The following PPP1R13B variants were observed in gnomAD, a reference collection of about 807,000 sequenced individuals.
PPP1R13B encodes apoptosis-stimulating of p53 protein 1.
Under a neutral mutation model 119.8 loss-of-function variants are expected in PPP1R13B, and 44 were observed. That is an observed-to-expected ratio of 0.37 (90% CI 0.29 to 0.47). The LOEUF (loss-of-function observed/expected upper bound fraction) is 0.47, where lower values mean the gene tolerates loss of function less well. Among genes scored for constraint, PPP1R13B ranks in the 20% least tolerant of loss-of-function variants. PPP1R13B has a pLI of 0.99. For missense variants in PPP1R13B, 1,227 were observed against 1,413.5 expected (o/e 0.87, Z 2.12); for synonymous variants, 542 against 561.5 (o/e 0.97, Z 0.49).
chr14:103,751,595 C>G (rs1203993741), intron 7 of PPP1R13B, among the ~76,000 whole-genome samples: 1 of 152,080 alleles, frequency 6.6e-6, no homozygotes, highest in Non-Finnish European at 1.5e-5. Context: ...TGTCTGGAGG[C>G]AGGGTCTTTA....
At chr14:103,821,003 T>C (rs916063194) in intron 1 of PPP1R13B, among the ~76,000 whole-genome samples, 2 of 152,158 alleles carry the variant, frequency 1.3e-5, no homozygotes, top group African/African-American at 4.8e-5. Context: ...AAGGGTTATG[T>C]TGAGATTTCA....
chr14:103,811,742 CT>C (rs2086160592), intron 1 of PPP1R13B, among the ~76,000 whole-genome samples: 2 of 151,800 alleles, frequency 1.3e-5, no homozygotes, highest in African/African-American at 4.8e-5. Context: ...ACTCTTTTTT[CT>C]TTTTTGAGAT....
intron 1 of PPP1R13B, among the ~76,000 whole-genome samples, chr14:103,838,564 A>G (rs189916750): frequency 6.6e-6 from 1 of 152,362 alleles, no homozygotes; most frequent in East Asian, 1.9e-4. Flanking sequence ...AACTGTACAC[A>G]TTAAAAGGTG....
rs1567083820 is a variant in PPP1R13B, at chr14:103,740,647, A to G, written c.1823-54T>C. On this transcript the variant is annotated intron_variant, in intron 11 of 16. Transcript: ENST00000202556. The surrounding 1 kb of genome is among the most constrained non-coding windows in gnomAD (Gnocchi z 4.6). ...TTGACCTCACTACAGAGATCTAGTCATACACACCTATGATTACACCAGAGA... is the reference window on the plus strand; with the variant it reads ...TTGACCTCACTACAGAGATCTAGTCGTACACACCTATGATTACACCAGAGA... 7.2e-7 allele frequency: 1 copy of G among 1,398,230 alleles called. No homozygotes were observed. Among genetic ancestry groups the G allele is most frequent in the Middle Eastern group, 1.9e-4 (1 of 5,338 alleles). 86.6% of individuals were successfully genotyped at this position (1,398,230 alleles called of 1,614,324 possible).
intron 16 of PPP1R13B, 112 bp downstream of exon 16, chr14:103,735,891 G>A: frequency 1.6e-6 from 2 of 1,213,666 alleles, no homozygotes; most frequent in Non-Finnish European, 2.3e-6. Context: ...AGAGGGGGCT[G>A]CTGAGGCTCA....
chr14:103,848,450 CA>C (rs1034371984), upstream of PPP1R13B: 5 of 985,350 alleles, frequency 5.1e-6, no homozygotes, highest in African/African-American at 5.2e-5. Flanking sequence ...TAAAGGCTGC[CA>C]GGGGGGTAGG....
chr14:103,773,222 A>T (rs545412816), intron 4 of PPP1R13B, among the ~76,000 whole-genome samples: 9 of 152,330 alleles, frequency 5.9e-5, no homozygotes, highest in South Asian at 2.1e-4. Flanking sequence ...GAGACCAAAA[A>T]AGAGAATATA....
chr14:103,835,640 G>A (rs1419398269), intron 1 of PPP1R13B, among the ~76,000 whole-genome samples: 3 of 150,368 alleles, frequency 2.0e-5, no homozygotes, highest in East Asian at 3.9e-4. Flanking sequence ...ACGGAGTCTC[G>A]CTTTGCCGCC....
rs2084219968 is a variant in PPP1R13B at position 103,740,226 on chromosome 14, G to A, written c.2190C>T (p.Phe730=). The part of the protein sequence containing the change: ...PNIQKLLYQR[F]NTLAGGMEGT... ...CCTCCATGCCACCGGCCAGGGTGTT[G>A]AAGCGCTGGTACAGCAGCTTCTGGA... is the stretch of plus-strand genomic sequence containing the variant. The change falls in exon 12 of 17, where the codon TTC becomes TTT. Residue 730 remains phenylalanine (F), a synonymous_variant. Coordinates refer to ENST00000202556, the MANE Select transcript of PPP1R13B (RefSeq NM_015316.3). This position sits in a 1 kb window ranked among gnomAD's most constrained non-coding sequence, Gnocchi z 4.6. 6.2e-7 allele frequency: 1 copy of A among 1,613,244 alleles called. No individual in the cohort carries two copies. Among genetic ancestry groups the A allele is most frequent in the Admixed American group, 1.7e-5 (1 of 59,996 alleles).
intron 2 of PPP1R13B, among the ~76,000 whole-genome samples, chr14:103,786,882 A>G (rs2085477073): frequency 1.4e-5 from 2 of 147,008 alleles, no homozygotes; most frequent in Admixed American, 1.4e-4. Flanking sequence ...TAATTTTTGT[A>G]TTTTTAGTAG....
At chr14:103,808,174 G>A (rs534281706) in intron 1 of PPP1R13B, among the ~76,000 whole-genome samples, 5 of 151,990 alleles carry the variant, frequency 3.3e-5, no homozygotes, top group Non-Finnish European at 7.4e-5. Context: ...AACCCAGGAG[G>A]CAGAGGTTGC....
At chr14:103,757,790 T>G in intron 4 of PPP1R13B, 39 bp from the exon 5 acceptor site, 1 of 1,549,052 alleles carries the variant, frequency 6.5e-7, no homozygotes, top group Non-Finnish European at 8.9e-7. Context: ...TAAGTTTATC[T>G]GCATAATTGT....
Position 103,784,857 on chromosome 14 carries a change from C to T in PPP1R13B, c.215G>A (p.Arg72Gln), listed in dbSNP as rs863223358. 1.1e-5 allele frequency: 17 copies of T among 1,607,402 alleles called. No individual in the cohort carries two copies. The highest frequency in any genetic ancestry group is 1.7e-5 in the Admixed American group (1 of 59,950). Reference sequence around the variant, plus strand: ...AAGGAAAAATTTCACTTCTTCCCTCCGTGGACCCCATTTCTGAAGATGTTC... The same window carrying T: ...AAGGAAAAATTTCACTTCTTCCCTCTGTGGACCCCATTTCTGAAGATGTTC... ...MYEHLQKWGP[R>Q]REEVKFFLRH... Residue 72 changes from arginine (R) to glutamine (Q), a missense_variant, in exon 3 of 17, where the codon CGG becomes CAG. Coordinates refer to ENST00000202556, the MANE Select transcript of PPP1R13B (RefSeq NM_015316.3).
At position 103,847,332 on chromosome 14, in the gene PPP1R13B, C is replaced by T; in HGVS notation, c.-25G>A. On this transcript the variant is annotated 5_prime_UTR_variant, in exon 1 of 17. Coordinates refer to ENST00000202556, the MANE Select transcript of PPP1R13B (RefSeq NM_015316.3). ...TCGCGGGGAGAGTCCGCGACGCCCT[C>T]GGCCGCCGCCTGACAGGACGCTCCG... 1 of 1,231,784 alleles carries T rather than the reference C, an allele frequency of 8.1e-7. No homozygotes were observed. The highest frequency in any genetic ancestry group is 1.0e-6 in the Non-Finnish European group (1 of 966,914). The allele number at this position is 1,231,784 out of a possible 1,614,324, so 76.3% of individuals were successfully genotyped here. A position where few individuals can be genotyped will look rare whatever the true frequency, so the allele number is the denominator to read the frequency against.
chr14:103,816,422 C>T (rs2086281936), intron 1 of PPP1R13B, among the ~76,000 whole-genome samples: 1 of 151,172 alleles, frequency 6.6e-6, no homozygotes. Flanking sequence ...CACAGTGGCT[C>T]ACGCCTGTAA....
chr14:103,840,904 T>G (rs1000238726), intron 1 of PPP1R13B, among the ~76,000 whole-genome samples: 25 of 152,136 alleles, frequency 1.6e-4, no homozygotes, highest in Non-Finnish European at 2.8e-4. Context: ...GCAATGGATA[T>G]CCCAAATACC....
Position 103,781,443 on chromosome 14 carries a change from G to A in PPP1R13B, c.278-2622C>T, listed in dbSNP as rs186154636. Reference sequence around the variant, plus strand: ...ATTCTAAAAGACAGCCTTATGCTACGGAAAGATGATTTTAAAGTAGATAGT... The same window carrying A: ...ATTCTAAAAGACAGCCTTATGCTACAGAAAGATGATTTTAAAGTAGATAGT... On this transcript the variant is annotated intron_variant, in intron 3 of 16. Transcript: ENST00000202556. Among the ~76,000 whole-genome samples, 79 of 152,158 alleles carry A rather than the reference G, an allele frequency of 5.2e-4. No homozygotes were observed. The East Asian group carries it at 0.013, about 25-fold the overall frequency.
chr14:103,754,164 C>A lies in PPP1R13B; in HGVS notation c.537G>T (p.Leu179Phe). Reference sequence around the variant, plus strand: ...TCTCCTGGGCTTCAACTCGTTCTTTCAATTTCTGAAGCTTTTCATTTTCAG... The same window carrying A: ...TCTCCTGGGCTTCAACTCGTTCTTTAAATTTCTGAAGCTTTTCATTTTCAG... ...SISENEKLQK[L>F]KERVEAQENK... The change falls in exon 6 of 17, where the codon TTG (leucine) becomes TTT (phenylalanine). Residue 179 changes from leucine to phenylalanine, a missense_variant. Transcript: ENST00000202556. 6.2e-7 allele frequency: 1 copy of A among 1,614,092 alleles called. No homozygotes were observed. Among genetic ancestry groups the A allele is most frequent in the African/African-American group, 1.3e-5 (1 of 75,008 alleles).
chr14:103,766,676 C>T (rs1411895972), intron 4 of PPP1R13B, among the ~76,000 whole-genome samples: 1 of 152,152 alleles, frequency 6.6e-6, no homozygotes, highest in African/African-American at 2.4e-5. Flanking sequence ...GGCGCTATCT[C>T]AGCTCACTGC....
Sources: allele counts gnomAD v4.1 joint callset (sites outside exome capture counted in the v4.1 genomes callset), GRCh38; gene constraint gnomAD v4.1.1; non-coding constraint Gnocchi (gnomAD v3.1); transcripts MANE v1.5; gene names NCBI Gene and HGNC (gene_info 2026-07-23, HGNC 2026-07-21).